Variants in CAMK2D observed in about 807,000 individuals in gnomAD.
The protein encoded by CAMK2D is calcium/calmodulin-dependent protein kinase type II subunit delta.
A neutral mutation model predicts 84.0 loss-of-function variants in CAMK2D; 37 were observed. That is an observed-to-expected ratio of 0.44 (90% confidence interval 0.34 to 0.58). The LOEUF (loss-of-function observed/expected upper bound fraction) is 0.58, where lower values mean the gene tolerates loss of function less well. Among genes scored for constraint, CAMK2D ranks in the 20% least tolerant of loss-of-function variants. The pLI, the probability that CAMK2D is intolerant of heterozygous loss-of-function variation, is 0.02. For missense variants in CAMK2D, 448 were observed against 652.5 expected, an observed-to-expected ratio of 0.69 and a Z score of 3.41; for synonymous variants, 202 against 212.5, an observed-to-expected ratio of 0.95 and a Z score of 0.43.
rs2099640792 is a variant in CAMK2D, at chr4:113,761,222, G to A, written c.-154C>T. On this transcript the variant is annotated 5_prime_UTR_variant, in exon 1 of 21. Transcript: ENST00000511664. ...GCTCGCCCGCGAGGGAGTGTGCGCA[G>A]GGGCGGGGCGGGAGGGGAGATGACC... 1 of 1,503,022 alleles carries A rather than the reference G, an allele frequency of 6.7e-7. No individual in the cohort carries two copies. The highest frequency in any genetic ancestry group is 1.3e-5 in the South Asian group (1 of 78,670). The allele number at this position is 1,503,022 out of a possible 1,614,324, so 93.1% of individuals were successfully genotyped here.
intron 2 of CAMK2D, among the ~76,000 whole-genome samples, chr4:113,730,308 T>C (rs1029671910): frequency 1.3e-5 from 2 of 152,258 alleles, no homozygotes; most frequent in African/African-American, 4.8e-5. Context: ...TGTTTTCATG[T>C]CTTGTGTTTC....
intron 2 of CAMK2D, among the ~76,000 whole-genome samples, chr4:113,693,776 T>C (rs1471925268): frequency 6.6e-6 from 1 of 152,206 alleles, no homozygotes; most frequent in Non-Finnish European, 1.5e-5. Flanking sequence ...TGCTTTCATT[T>C]GTCTAGATTA....
intron 2 of CAMK2D, among the ~76,000 whole-genome samples, chr4:113,726,097 T>C (rs1334615106): frequency 6.6e-6 from 1 of 152,222 alleles, no homozygotes; most frequent in East Asian, 1.9e-4. Context: ...GATCCTTCTT[T>C]ATGCCAAACA....
chr4:113,477,262 A>G (rs2097640571), intron 16 of CAMK2D, among the ~76,000 whole-genome samples: 1 of 152,176 alleles, frequency 6.6e-6, no homozygotes, highest in African/African-American at 2.4e-5. Flanking sequence ...CTTAGTTACT[A>G]CATTGGTTAA....
At chr4:113,555,179 T>A (rs1029961664) in intron 4 of CAMK2D, among the ~76,000 whole-genome samples, 1 of 152,190 alleles carries the variant, frequency 6.6e-6, no homozygotes, top group Non-Finnish European at 1.5e-5. Context: ...CAGTAATAGA[T>A]CTTTGACCAT....
intron 2 of CAMK2D, among the ~76,000 whole-genome samples, chr4:113,746,528 T>C (rs937756505): frequency 6.6e-6 from 1 of 152,154 alleles, no homozygotes; most frequent in Admixed American, 6.5e-5. Flanking sequence ...TCTGTCAATA[T>C]AAGACAGTAT....
At chr4:113,731,688 T>C (rs905012495) in intron 2 of CAMK2D, among the ~76,000 whole-genome samples, 7 of 149,466 alleles carry the variant, frequency 4.7e-5, no homozygotes, top group Admixed American at 4.1e-4. Flanking sequence ...CGGGTTCGAG[T>C]GATTCCCCTG....
intron 8 of CAMK2D, among the ~76,000 whole-genome samples, chr4:113,522,329 G>T (rs1043057965): frequency 1.3e-5 from 2 of 152,172 alleles, no homozygotes. Flanking sequence ...TAAGCAAAAT[G>T]CATGTGGAAC....
At chr4:113,618,724 C>T (rs2099032150) in intron 3 of CAMK2D, among the ~76,000 whole-genome samples, 1 of 152,008 alleles carries the variant, frequency 6.6e-6, no homozygotes, top group African/African-American at 2.4e-5. Flanking sequence ...AAAAGAAGTA[C>T]ATGAAAAATA....
chr4:113,665,339 A>T (rs181332188), intron 2 of CAMK2D, among the ~76,000 whole-genome samples: 227 of 152,356 alleles, frequency 1.5e-3, no homozygotes, highest in African/African-American at 4.9e-3. Context: ...TATGTTTCAC[A>T]TTTAACATCA....
chr4:113,707,161 A>G (rs2099461801), intron 2 of CAMK2D, among the ~76,000 whole-genome samples: 1 of 152,216 alleles, frequency 6.6e-6, no homozygotes, highest in Non-Finnish European at 1.5e-5. Flanking sequence ...GTTCATAAAT[A>G]GAAAATTAGT....
chr4:113,480,733 C>T (rs988737182), intron 16 of CAMK2D, among the ~76,000 whole-genome samples: 2 of 152,052 alleles, frequency 1.3e-5, no homozygotes, highest in Non-Finnish European at 2.9e-5. Flanking sequence ...CCCAGCTACT[C>T]GGGAGTCTGA....
At chr4:113,521,963 G>C (rs1381790702) in intron 8 of CAMK2D, among the ~76,000 whole-genome samples, 1 of 152,040 alleles carries the variant, frequency 6.6e-6, no homozygotes, top group Non-Finnish European at 1.5e-5. Flanking sequence ...TGATAGAGTT[G>C]GTTCCATATA....
chr4:113,570,072 ATGAAAGATATGTACAT>A (rs1260779781), intron 4 of CAMK2D, among the ~76,000 whole-genome samples: 2 of 152,152 alleles, frequency 1.3e-5, no homozygotes, highest in Non-Finnish European at 2.9e-5. Context: ...GAGCAAAGAG[ATGAAAGATATGTACAT>A]TGAATTCTAT....
intron 8 of CAMK2D, among the ~76,000 whole-genome samples, chr4:113,520,462 T>C (rs1249295246): frequency 6.6e-6 from 1 of 152,122 alleles, no homozygotes; most frequent in African/African-American, 2.4e-5. Context: ...TTGTTCTAAT[T>C]GAGTTCTTGC....
chr4:113,458,519 T>C (rs1302315688), intron 18 of CAMK2D, among the ~76,000 whole-genome samples: 3 of 152,214 alleles, frequency 2.0e-5, no homozygotes, highest in Non-Finnish European at 2.9e-5. Flanking sequence ...TATAGTGTTA[T>C]ACTGAAATAG....
chr4:113,609,736 G>A (rs1313667987), intron 3 of CAMK2D, among the ~76,000 whole-genome samples: 2 of 152,118 alleles, frequency 1.3e-5, no homozygotes, highest in Non-Finnish European at 2.9e-5. Context: ...GAAGTTCTAG[G>A]TGGCACTCCC....
chr4:113,508,227 G>A (rs771658893), intron 13 of CAMK2D: 3 of 1,539,954 alleles, frequency 1.9e-6, no homozygotes, highest in Non-Finnish European at 2.6e-6. Flanking sequence ...CTGGCAGATA[G>A]ATCCTCACCA....
At chr4:113,539,627 G>A (rs2098516828) in intron 6 of CAMK2D, among the ~76,000 whole-genome samples, 1 of 152,108 alleles carries the variant, frequency 6.6e-6, no homozygotes, top group Non-Finnish European at 1.5e-5. Flanking sequence ...CATAACTAAC[G>A]AAGACCTCAC....
Sources: gnomAD v4.1 joint callset for allele counts (sites outside exome capture counted in the v4.1 genomes callset) on GRCh38, gnomAD v4.1.1 for gene constraint, MANE v1.5 for transcripts, NCBI Gene and HGNC (gene_info 2026-07-23, HGNC 2026-07-21) for gene names.